CMIP: variants seen among roughly 807,000 people sequenced by gnomAD.
The protein encoded by CMIP is C-Maf-inducing protein.
CMIP carries 13 observed loss-of-function variants against 97.3 expected under a neutral mutation model. That is an observed-to-expected ratio of 0.13 (90% confidence interval 0.09 to 0.21). The LOEUF is 0.21. Among genes scored for constraint, CMIP ranks in the 10% least tolerant of loss-of-function variants. CMIP has a pLI of 1.00. For synonymous variants in CMIP, 538 were observed against 436.3 expected, an observed-to-expected ratio of 1.23 and a Z score of -2.91; for missense variants, 847 against 1,024.9, an observed-to-expected ratio of 0.83 and a Z score of 2.37.
At chr16:81,478,748 G>T (rs927807159) in intron 1 of CMIP, among the ~76,000 whole-genome samples, 6 of 152,186 alleles carry the variant, frequency 3.9e-5, no homozygotes, top group African/African-American at 1.4e-4. Context: ...CTATAGGTGT[G>T]GACGTTGAGG....
intron 1 of CMIP, among the ~76,000 whole-genome samples, chr16:81,574,021 A>T (rs1272756577): frequency 6.6e-6 from 1 of 152,200 alleles, no homozygotes; most frequent in African/African-American, 2.4e-5. Flanking sequence ...GCAATCTAGT[A>T]TAGTAGTCAC....
chr16:81,704,235 C>T (rs1907778000), intron 18 of CMIP, 150 bp downstream of exon 18: 1 of 534,640 alleles, frequency 1.9e-6, no homozygotes, highest in Non-Finnish European at 3.3e-6. Context: ...CCTCCCTGCC[C>T]CCCTTACTCT....
intron 1 of CMIP, among the ~76,000 whole-genome samples, chr16:81,556,774 G>A (rs942140350): frequency 6.6e-6 from 1 of 152,196 alleles, no homozygotes; most frequent in African/African-American, 2.4e-5. Flanking sequence ...ACACACAATT[G>A]TACATCACGT....
At chr16:81,475,783 G>T (rs142865406) in intron 1 of CMIP, among the ~76,000 whole-genome samples, 10,518 of 152,064 alleles carry the variant, frequency 0.069, 397 homozygotes, top group South Asian at 0.11. Flanking sequence ...CAGGAGATCA[G>T]GACCATCCTG....
chr16:81,675,450 C>G (rs1347565897), intron 9 of CMIP, among the ~76,000 whole-genome samples: 1 of 151,230 alleles, frequency 6.6e-6, no homozygotes, highest in African/African-American at 2.4e-5. Flanking sequence ...AACTCCTGGC[C>G]TCAAGTGAAA....
chr16:81,587,688 T>C (rs1306740706), intron 1 of CMIP, among the ~76,000 whole-genome samples: 1 of 152,198 alleles, frequency 6.6e-6, no homozygotes, highest in Non-Finnish European at 1.5e-5. Flanking sequence ...TCCAGAACTT[T>C]CCTCTACTGC....
At chr16:81,569,224 G>A (rs2091039390) in intron 1 of CMIP, among the ~76,000 whole-genome samples, 1 of 152,178 alleles carries the variant, frequency 6.6e-6, no homozygotes, top group South Asian at 2.1e-4. Context: ...GACAGCTCCT[G>A]AGCACCTGTT....
At chr16:81,541,613 G>A (rs76082093) in intron 1 of CMIP, among the ~76,000 whole-genome samples, 2 of 152,208 alleles carry the variant, frequency 1.3e-5, no homozygotes, top group East Asian at 1.9e-4. Flanking sequence ...AAATATGAGC[G>A]TGAAGAGAGA....
At chr16:81,633,006 C>T (rs527603449) in intron 3 of CMIP, among the ~76,000 whole-genome samples, 19 of 152,266 alleles carry the variant, frequency 1.2e-4, no homozygotes, top group Admixed American at 3.9e-4. Flanking sequence ...AGGGGGGACC[C>T]GAGCGTTCGT....
chr16:81,691,327 C>T (rs940004397), intron 10 of CMIP, among the ~76,000 whole-genome samples: 1 of 152,190 alleles, frequency 6.6e-6, no homozygotes, highest in African/African-American at 2.4e-5. Flanking sequence ...CTTCTAAGGA[C>T]ATCCGTCTAC....
chr16:81,476,611 T>C (rs1436019209), intron 1 of CMIP: 1 of 430,016 alleles, frequency 2.3e-6, no homozygotes, highest in Non-Finnish European at 4.4e-6. Flanking sequence ...GTATCATTAC[T>C]TGGGCCTTCT....
chr16:81,579,425 C>T (rs2091258293), intron 1 of CMIP, among the ~76,000 whole-genome samples: 1 of 152,206 alleles, frequency 6.6e-6, no homozygotes, highest in Non-Finnish European at 1.5e-5. Flanking sequence ...CCTCGGAAGC[C>T]AGTTTCTAAC....
At chr16:81,477,416 C>T (rs955219255) in intron 1 of CMIP, among the ~76,000 whole-genome samples, 3 of 152,332 alleles carry the variant, frequency 2.0e-5, no homozygotes, top group Admixed American at 6.5e-5. Flanking sequence ...CTGCCTTGGC[C>T]TCCCAAAGTG....
Position 81,496,734 on chromosome 16 carries a change from C to G in CMIP, c.300+51193C>G, listed in dbSNP as rs370821295. On this transcript the variant is annotated intron_variant, in intron 1 of 20. Transcript: ENST00000537098. ...AGTAGAGGCGGGGGTCAGCCCCCTGCGGACCCTGGACCCCTGGGAACACAG... is the reference window on the plus strand; with the variant it reads ...AGTAGAGGCGGGGGTCAGCCCCCTGGGGACCCTGGACCCCTGGGAACACAG... Among the ~76,000 whole-genome samples, 17 of 152,336 alleles carry G rather than the reference C, an allele frequency of 1.1e-4. No homozygotes were observed. The South Asian group carries it at 1.9e-3, about 17-fold the overall frequency.
chr16:81,582,309 AT>A (rs199901578), intron 1 of CMIP, among the ~76,000 whole-genome samples: 13 of 151,718 alleles, frequency 8.6e-5, no homozygotes, highest in African/African-American at 2.9e-4. Flanking sequence ...TCCTTGGAAT[AT>A]TTTTTTTGCC....
chr16:81,646,731 A>G (rs1210033660), intron 3 of CMIP, among the ~76,000 whole-genome samples: 2 of 152,130 alleles, frequency 1.3e-5, no homozygotes, highest in Admixed American at 6.5e-5. Context: ...ATCATACACT[A>G]TGTCTTTCTT....
intron 1 of CMIP, among the ~76,000 whole-genome samples, chr16:81,564,812 C>T (rs902553543): frequency 8.5e-5 from 13 of 152,108 alleles, no homozygotes; most frequent in African/African-American, 1.4e-4. Flanking sequence ...GAGGCATGTA[C>T]GTGGGAATGA....
At chr16:81,647,246 G>A (rs1026051330) in intron 3 of CMIP, among the ~76,000 whole-genome samples, 1 of 152,202 alleles carries the variant, frequency 6.6e-6, no homozygotes, top group Non-Finnish European at 1.5e-5. Flanking sequence ...CTCCTAGGCT[G>A]GAATTTGACT....
chr16:81,633,307 G>T (rs1010393111), intron 3 of CMIP, among the ~76,000 whole-genome samples: 1 of 152,198 alleles, frequency 6.6e-6, no homozygotes, highest in Non-Finnish European at 1.5e-5. Context: ...GGCACACCTT[G>T]GCCAGGTGTC....
Sources: gnomAD v4.1 joint callset for allele counts (sites outside exome capture counted in the v4.1 genomes callset) on GRCh38, gnomAD v4.1.1 for gene constraint, MANE v1.5 for transcripts, NCBI Gene and HGNC (gene_info 2026-07-23, HGNC 2026-07-21) for gene names.